MAF: variants seen among roughly 807,000 people sequenced by gnomAD.
MAF encodes the protein MAF bZIP transcription factor, also known as transcription factor Maf.
MAF carries 10 observed loss-of-function variants against 22.0 expected under a neutral mutation model. The observed-to-expected ratio is 0.45, with a 90% CI of 0.28 to 0.77. MAF has a LOEUF of 0.77. Ranked by LOEUF, MAF falls within the 30% of genes least tolerant of loss-of-function variation. MAF has a pLI of 0.12. For missense variants in MAF, 544 were observed against 548.4 expected (o/e 0.99, Z 0.08); for synonymous variants, 337 against 255.8 (o/e 1.32, Z -3.03).
chr16:79,306,880 G>C, the MAF span, among the ~76,000 whole-genome samples: 1 of 152,198 alleles, frequency 6.6e-6, no homozygotes, highest in African/African-American at 2.4e-5. Flanking sequence ...GATAACAGTA[G>C]CTGCATTACA....
chr16:79,399,118 G>A, the MAF span, among the ~76,000 whole-genome samples: 1 of 152,174 alleles, frequency 6.6e-6, no homozygotes, highest in Admixed American at 6.5e-5. Flanking sequence ...GTGCTCCGTG[G>A]GCGTTGGAAT....
the MAF span, among the ~76,000 whole-genome samples, chr16:79,567,066 T>C: frequency 1.3e-5 from 2 of 152,364 alleles, no homozygotes; most frequent in Non-Finnish European, 2.9e-5. Context: ...ACGCCTGTAA[T>C]GCCAGCACTT....
At chr16:79,228,699 G>C in the MAF span, among the ~76,000 whole-genome samples, 37 of 151,982 alleles carry the variant, frequency 2.4e-4, no homozygotes, top group Non-Finnish European at 5.0e-4. Flanking sequence ...ATTTGTTATG[G>C]TTGAAAATTC....
chr16:79,382,373 C>T, the MAF span, among the ~76,000 whole-genome samples: 1 of 152,198 alleles, frequency 6.6e-6, no homozygotes, highest in Non-Finnish European at 1.5e-5. Context: ...ATCTGTCCAA[C>T]AGAACTTTCT....
the MAF span, among the ~76,000 whole-genome samples, chr16:79,276,843 C>T: frequency 1.8e-3 from 271 of 152,228 alleles, no homozygotes; most frequent in African/African-American, 6.0e-3. Flanking sequence ...AGTCTAAAAT[C>T]GAGGTGTCGG....
the MAF span, among the ~76,000 whole-genome samples, chr16:79,538,118 CA>C: frequency 6.6e-6 from 1 of 151,954 alleles, no homozygotes; most frequent in African/African-American, 2.4e-5. Context: ...ACTTCAAAAA[CA>C]ATTTTGAAAA....
the MAF span, among the ~76,000 whole-genome samples, chr16:79,342,174 T>C: frequency 1.3e-5 from 2 of 152,172 alleles, no homozygotes; most frequent in South Asian, 2.1e-4. Context: ...GGCAGGTAGG[T>C]GGCACACCCG....
chr16:79,211,797 G>C, the MAF span: 10 of 1,613,958 alleles, frequency 6.2e-6, no homozygotes, highest in Non-Finnish European at 7.6e-6. Context: ...GTCCGGCTAA[G>C]TGGAGCTCAG....
the MAF span, among the ~76,000 whole-genome samples, chr16:79,464,187 A>T: frequency 6.6e-6 from 1 of 152,182 alleles, no homozygotes; most frequent in Non-Finnish European, 1.5e-5. Flanking sequence ...AAATTTAAAC[A>T]TTAATTTTGG....
At chr16:79,215,867 A>T in the MAF span, among the ~76,000 whole-genome samples, 1 of 152,148 alleles carries the variant, frequency 6.6e-6, no homozygotes, top group African/African-American at 2.4e-5. Flanking sequence ...GAAGTTATCT[A>T]CGTTACTTGA....
chr16:79,279,322 G>A, the MAF span, among the ~76,000 whole-genome samples: 7 of 152,306 alleles, frequency 4.6e-5, no homozygotes, highest in African/African-American at 1.7e-4. Flanking sequence ...AAGTGGGAAT[G>A]ACAGCAATAC....
the MAF span, among the ~76,000 whole-genome samples, chr16:79,568,358 A>G: frequency 6.6e-6 from 1 of 152,224 alleles, no homozygotes; most frequent in Non-Finnish European, 1.5e-5. Context: ...TGTTGGAATC[A>G]GACAGACCTG....
the MAF span, among the ~76,000 whole-genome samples, chr16:79,508,773 T>A: frequency 2.0e-5 from 3 of 152,342 alleles, no homozygotes; most frequent in East Asian, 5.8e-4. Flanking sequence ...AGAAAGGGCA[T>A]GTCTCATAGG....
At chr16:79,557,376 C>T in the MAF span, among the ~76,000 whole-genome samples, 164 of 152,104 alleles carry the variant, frequency 1.1e-3, no homozygotes, top group Middle Eastern at 0.01. Flanking sequence ...CAGAATTTTC[C>T]AGACTTTCAG....
chr16:79,467,463 G>C, the MAF span, among the ~76,000 whole-genome samples: 1 of 152,198 alleles, frequency 6.6e-6, no homozygotes, highest in Non-Finnish European at 1.5e-5. Context: ...ATTGCAGGCA[G>C]TGATCTTATG....
At chr16:79,217,411 A>G in the MAF span, among the ~76,000 whole-genome samples, 32 of 152,202 alleles carry the variant, frequency 2.1e-4, no homozygotes, top group South Asian at 2.1e-4. Flanking sequence ...TTGATTTCCT[A>G]TTTAAGAATG....
At chr16:79,524,183 C>T in the MAF span, among the ~76,000 whole-genome samples, 4 of 152,192 alleles carry the variant, frequency 2.6e-5, no homozygotes, top group Non-Finnish European at 4.4e-5. Flanking sequence ...CTGTTCGGGT[C>T]AGTTTCAACG....
chr16:79,330,967 G>A, the MAF span, among the ~76,000 whole-genome samples: 1 of 152,200 alleles, frequency 6.6e-6, no homozygotes, highest in East Asian at 1.9e-4. Context: ...GGCCAACCCT[G>A]TGAGTGGCGA....
chr16:79,213,852 G>A, the MAF span, among the ~76,000 whole-genome samples: 3 of 152,192 alleles, frequency 2.0e-5, no homozygotes, highest in Non-Finnish European at 2.9e-5. Context: ...CTCAGCAAAA[G>A]CTAACTGATA....
Sources: gnomAD v4.1 joint callset for allele counts (sites outside exome capture counted in the v4.1 genomes callset) on GRCh38, gnomAD v4.1.1 for gene constraint, MANE v1.5 for transcripts, NCBI Gene and HGNC (gene_info 2026-07-23, HGNC 2026-07-21) for gene names.